The following PPARGC1A variants were observed in gnomAD, a reference collection of about 807,000 sequenced individuals.
PPARGC1A encodes the protein PPARG coactivator 1 alpha.
Under a neutral mutation model 88.7 loss-of-function variants are expected in PPARGC1A, and 25 were observed. The observed-to-expected ratio is 0.28, with a 90% CI of 0.21 to 0.39. The LOEUF is 0.39. Ranked by LOEUF, PPARGC1A falls within the 10% of genes least tolerant of loss-of-function variation. PPARGC1A has a pLI of 1.00. For missense variants in PPARGC1A, 880 were observed against 968.7 expected (o/e 0.91, Z 1.22); for synonymous variants, 363 against 355.6 (o/e 1.02, Z -0.24).
the PPARGC1A span, among the ~76,000 whole-genome samples, chr4:24,297,141 C>G: frequency 6.6e-6 from 1 of 152,128 alleles, no homozygotes; most frequent in Non-Finnish European, 1.5e-5. Flanking sequence ...AGAAAGTGTT[C>G]TGGGTATCAA....
the PPARGC1A span, among the ~76,000 whole-genome samples, chr4:23,911,745 C>T: frequency 6.6e-6 from 1 of 152,172 alleles, no homozygotes; most frequent in Non-Finnish European, 1.5e-5. Context: ...TACTAACATG[C>T]ATATTGGTAG....
the PPARGC1A span, among the ~76,000 whole-genome samples, chr4:23,930,709 C>A: frequency 6.6e-6 from 1 of 151,996 alleles, no homozygotes; most frequent in African/African-American, 2.4e-5. Flanking sequence ...TTTTTCCTAC[C>A]CAGACTCTCA....
chr4:24,325,460 A>C, the PPARGC1A span, among the ~76,000 whole-genome samples: 112 of 152,256 alleles, frequency 7.4e-4, 1 homozygote, highest in African/African-American at 2.6e-3. Flanking sequence ...GTTCCTCTAG[A>C]ACCTCCTCCC....
At position 23,793,332 on chromosome 4, in the gene PPARGC1A, C is replaced by A. The variant is rs1203874238; in HGVS notation, c.*2490G>T. The A allele has an allele frequency of 6.6e-6, 1 of 152,516 alleles. No individual in the cohort carries two copies. Among genetic ancestry groups the A allele is most frequent in the Non-Finnish European group, 1.5e-5 (1 of 68,010 alleles). The allele number at this position is 152,516 out of a possible 1,614,324, so 9.4% of individuals were successfully genotyped here. A position where few individuals can be genotyped will look rare whatever the true frequency, so the allele number is the denominator to read the frequency against. On this transcript the variant is annotated 3_prime_UTR_variant, in exon 13 of 13. Transcript: ENST00000264867. The stretch of plus-strand genomic sequence containing the variant: ...GATGTGTTACTGTTGTAACGCAGAA[C>A]CTGTGAACAAGTTCTTTCATTTCAT...
At chr4:23,989,978 T>C in the PPARGC1A span, among the ~76,000 whole-genome samples, 2 of 147,958 alleles carry the variant, frequency 1.4e-5, no homozygotes, top group Non-Finnish European at 3.0e-5. Context: ...GGGATATATA[T>C]ACATATATAT....
chr4:24,452,294 C>A, the PPARGC1A span, among the ~76,000 whole-genome samples: 1 of 151,232 alleles, frequency 6.6e-6, no homozygotes, highest in African/African-American at 2.4e-5. Flanking sequence ...CACACATGCA[C>A]CCTATTCTTG....
At chr4:24,030,150 A>G in the PPARGC1A span, among the ~76,000 whole-genome samples, 4 of 152,224 alleles carry the variant, frequency 2.6e-5, no homozygotes, top group Non-Finnish European at 5.9e-5. Flanking sequence ...TAACTGCTAC[A>G]CAATGGTGTT....
the PPARGC1A span, among the ~76,000 whole-genome samples, chr4:24,239,033 A>G: frequency 2.6e-5 from 4 of 152,182 alleles, no homozygotes; most frequent in African/African-American, 9.6e-5. Context: ...ACCACAGCAC[A>G]TATAGCATTT....
chr4:24,449,133 T>G, the PPARGC1A span, among the ~76,000 whole-genome samples: 1 of 152,206 alleles, frequency 6.6e-6, no homozygotes, highest in Non-Finnish European at 1.5e-5. Flanking sequence ...GCAGTTTCCA[T>G]GTCTCAATGA....
At chr4:23,888,301 T>C (rs1013691834) in intron 1 of PPARGC1A, among the ~76,000 whole-genome samples, 1 of 152,238 alleles carries the variant, frequency 6.6e-6, no homozygotes, top group Non-Finnish European at 1.5e-5. Context: ...AAGGCCACTA[T>C]TCTAAATGCT....
chr4:24,287,634 G>GCGCACACACACACACACACA, the PPARGC1A span, among the ~76,000 whole-genome samples: 5 of 142,052 alleles, frequency 3.5e-5, no homozygotes, highest in African/African-American at 1.3e-4. Flanking sequence ...AACACCACAT[G>GCGCACACACACACACACACA]CACACACACA....
At chr4:23,864,350 G>A (rs985573267) in intron 2 of PPARGC1A, among the ~76,000 whole-genome samples, 3 of 152,180 alleles carry the variant, frequency 2.0e-5, no homozygotes, top group Non-Finnish European at 2.9e-5. Context: ...CAAAGGAAGG[G>A]AATCCCAAGC....
At chr4:23,856,107 C>T (rs1012821584) in intron 2 of PPARGC1A, among the ~76,000 whole-genome samples, 1 of 152,174 alleles carries the variant, frequency 6.6e-6, no homozygotes, top group African/African-American at 2.4e-5. Context: ...AGTTATAATA[C>T]AAAACAAAGC....
the PPARGC1A span, among the ~76,000 whole-genome samples, chr4:24,361,902 C>T: frequency 1.3e-5 from 2 of 152,164 alleles, no homozygotes; most frequent in Non-Finnish European, 1.5e-5. Context: ...GCTTCCCTAA[C>T]CTAAACAGTC....
At chr4:24,139,771 A>T in the PPARGC1A span, among the ~76,000 whole-genome samples, 1 of 152,148 alleles carries the variant, frequency 6.6e-6, no homozygotes. Context: ...AGCATCAGGC[A>T]GACTGCACGC....
chr4:24,388,789 G>A, the PPARGC1A span, among the ~76,000 whole-genome samples: 1 of 151,894 alleles, frequency 6.6e-6, no homozygotes, highest in Non-Finnish European at 1.5e-5. Context: ...TGGACACAGG[G>A]AGGGGAACAT....
At chr4:23,986,630 C>G in the PPARGC1A span, among the ~76,000 whole-genome samples, 9 of 152,112 alleles carry the variant, frequency 5.9e-5, no homozygotes, top group East Asian at 1.7e-3. Flanking sequence ...TTCAGTCTTA[C>G]GATAACAGTT....
chr4:23,992,465 C>T, the PPARGC1A span, among the ~76,000 whole-genome samples: 1 of 151,888 alleles, frequency 6.6e-6, no homozygotes, highest in African/African-American at 2.4e-5. Context: ...TTATGTTTCT[C>T]AGGTAAAAAT....
the PPARGC1A span, among the ~76,000 whole-genome samples, chr4:24,311,224 A>C: frequency 2.1e-5 from 3 of 144,794 alleles, no homozygotes; most frequent in South Asian, 2.2e-4. Context: ...CTCAGCCTCC[A>C]GAGTAGCTGG....
Sources: gnomAD v4.1 joint callset for allele counts (sites outside exome capture counted in the v4.1 genomes callset) on GRCh38, gnomAD v4.1.1 for gene constraint, MANE v1.5 for transcripts, NCBI Gene and HGNC (gene_info 2026-07-23, HGNC 2026-07-21) for gene names.